Variants in UBN2 observed in about 807,000 individuals in gnomAD.
The protein encoded by UBN2 is ubinuclein 2.
A neutral mutation model predicts 120.2 loss-of-function variants in UBN2; 35 were observed. The ratio of observed to expected loss-of-function variants is 0.29; its 90% CI spans 0.22 to 0.39. The LOEUF (loss-of-function observed/expected upper bound fraction) is 0.39. UBN2 is among the 10% of genes least tolerant of loss of function. UBN2 has a pLI of 1.00. For synonymous variants in UBN2, 661 were observed against 648.7 expected (o/e 1.02, Z -0.29); for missense variants, 1,693 against 1,663.2 (o/e 1.02, Z -0.31).
intron 15 of UBN2, among the ~76,000 whole-genome samples, chr7:139,291,417 T>C (rs1797955395): frequency 6.6e-6 from 1 of 150,790 alleles, no homozygotes; most frequent in South Asian, 2.1e-4. Context: ...TTTAGAACTG[T>C]TAAAGTTTTG....
rs766587284 is a variant in UBN2 at position 139,273,928 on chromosome 7, T to C, written c.1830-3T>C. ...TTTCAAATTTAATTTTCAATCTGTTTAGAACTTTGTTATGTAACCTTGTTG... is the reference window on the plus strand; with the variant it reads ...TTTCAAATTTAATTTTCAATCTGTTCAGAACTTTGTTATGTAACCTTGTTG... On this transcript the variant is annotated splice_region_variant and splice_polypyrimidine_tract_variant and intron_variant, in intron 10 of 17. Coordinates refer to ENST00000473989, the MANE Select transcript of UBN2 (RefSeq NM_173569.4). 3.1e-6 allele frequency: 5 copies of C among 1,597,144 alleles called. No individual in the cohort carries two copies. Among genetic ancestry groups the C allele is most frequent in the Non-Finnish European group, 4.3e-6 (5 of 1,175,614 alleles).
chr7:139,235,937 G>A (rs1424894276), intron 1 of UBN2, among the ~76,000 whole-genome samples: 2 of 152,104 alleles, frequency 1.3e-5, no homozygotes, highest in African/African-American at 4.8e-5. Flanking sequence ...CAGTTTCAAA[G>A]TGTGCACATC....
intron 14 of UBN2, 75 bp downstream of exon 14, chr7:139,282,130 T>A (rs1797631836): frequency 1.5e-6 from 2 of 1,347,866 alleles, no homozygotes; most frequent in East Asian, 4.6e-5. Context: ...AAGAAACTAA[T>A]TGAAGAGACT....
rs1469351101 is a variant in UBN2, at chr7:139,303,288, GATTCA to G, written c.*5453_*5457del. 3 of 152,140 alleles carry G rather than the reference GATTCA, an allele frequency of 2.0e-5. No individual in the cohort carries two copies. The highest frequency in any genetic ancestry group is 7.2e-5 in the African/African-American group (3 of 41,418). The allele number at this position is 152,140 out of a possible 1,614,324, so 9.4% of individuals were successfully genotyped here. On this transcript the variant is annotated 3_prime_UTR_variant, in exon 18 of 18. Transcript: ENST00000473989. ...AAATAACATAATTTTCAGTATCTAA[GATTCA>G]TCGATTTTTTGTTGAAAACAAATAG...
chr7:139,270,289 T>G (rs7810130), intron 8 of UBN2, among the ~76,000 whole-genome samples: 2,791 of 149,752 alleles, frequency 0.019, 60 homozygotes, highest in African/African-American at 0.065. Flanking sequence ...TTTTTTTTTT[T>G]GTGACAGAGT....
intron 15 of UBN2, among the ~76,000 whole-genome samples, chr7:139,289,200 T>C (rs1235205648): frequency 2.0e-5 from 3 of 152,092 alleles, no homozygotes; most frequent in Non-Finnish European, 2.9e-5. Flanking sequence ...ACCCCACTGC[T>C]GAAAGGTCTC....
rs200979638 is a variant in UBN2, at chr7:139,261,598, G to A, written c.1252G>A (p.Gly418Ser). The A allele has an allele frequency of 1.9e-6, 3 of 1,614,196 alleles. No homozygotes were observed. Among genetic ancestry groups the A allele is most frequent in the Non-Finnish European group, 2.5e-6 (3 of 1,180,038 alleles). Reference protein sequence around the residue: ...FDRLLDAASDGSPLSESGGEN... With the variant: ...FDRLLDAASDSSPLSESGGEN... The stretch of plus-strand genomic sequence containing the variant: ...CAGATTACTGGATGCTGCTTCTGAT[G>A]GTAGCCCCCTATCTGAGTCGGGGGG... Residue 418 changes from glycine (G) to serine (S), a missense_variant, in exon 6 of 18, where the codon GGT (glycine) becomes AGT (serine). Gly to Ser is a moderately conservative substitution (Grantham distance 56). Transcript: ENST00000473989.
At chr7:139,262,134 C>G (rs548344056) in intron 6 of UBN2, among the ~76,000 whole-genome samples, 1 of 151,596 alleles carries the variant, frequency 6.6e-6, no homozygotes, top group Non-Finnish European at 1.5e-5. Flanking sequence ...AGCCTTGCTC[C>G]GTCGTCACAC....
At position 139,299,766 on chromosome 7, in the gene UBN2, A is replaced by C. The variant is rs1798210158; in HGVS notation, c.*1930A>C. 6.6e-6 allele frequency: 1 copy of C among 152,162 alleles called. No individual in the cohort carries two copies. The highest frequency in any genetic ancestry group is 1.5e-5 in the Non-Finnish European group (1 of 68,014). The allele number at this position is 152,162 out of a possible 1,614,324, so 9.4% of individuals were successfully genotyped here. ...ATGAAGATTTGCTTGGTTTCAATTA[A>C]GGAAGCTTGCCCAATTTTTTTAATT... On this transcript the variant is annotated 3_prime_UTR_variant, in exon 18 of 18. Transcript: ENST00000473989.
At chr7:139,234,639 G>A (rs544908141) in intron 1 of UBN2, among the ~76,000 whole-genome samples, 1 of 152,166 alleles carries the variant, frequency 6.6e-6, no homozygotes, top group African/African-American at 2.4e-5. Context: ...AAGGGTAATA[G>A]TGCATTTTAG....
intron 14 of UBN2, 25 bp downstream of exon 14, chr7:139,282,080 A>G (rs745570394): frequency 2.5e-6 from 4 of 1,607,736 alleles, no homozygotes; most frequent in Non-Finnish European, 3.4e-6. Flanking sequence ...TGTATCAATC[A>G]GTATGTAATA....
intron 2 of UBN2, among the ~76,000 whole-genome samples, chr7:139,238,263 C>A (rs1200046138): frequency 6.6e-6 from 1 of 152,138 alleles, no homozygotes; most frequent in South Asian, 2.1e-4. Context: ...CAACAGGGAT[C>A]TTGACCCATA....
At chr7:139,268,825 C>T (rs1214756345) in intron 7 of UBN2, among the ~76,000 whole-genome samples, 1 of 152,060 alleles carries the variant, frequency 6.6e-6, no homozygotes, top group African/African-American at 2.4e-5. Context: ...CCCCTGTAAC[C>T]CAAAAAATAT....
At chr7:139,327,174 C>T in the UBN2 span, among the ~76,000 whole-genome samples, 1 of 152,136 alleles carries the variant, frequency 6.6e-6, no homozygotes, top group African/African-American at 2.4e-5. Flanking sequence ...GCTAGGATTA[C>T]AGGCATGTGC....
Position 139,237,135 on chromosome 7 carries a change from C to G in UBN2, c.561+38C>G, listed in dbSNP as rs1478870127. 7 of 1,468,250 alleles carry G rather than the reference C, an allele frequency of 4.8e-6. No individual in the cohort carries two copies. The East Asian group carries it at 1.4e-4, about 30-fold the overall frequency. 91.0% of individuals were successfully genotyped at this position (1,468,250 alleles called of 1,614,324 possible). A position where few individuals can be genotyped will look rare whatever the true frequency, so the allele number is the denominator to read the frequency against. On this transcript the variant is annotated intron_variant, in intron 2 of 17. Coordinates refer to ENST00000473989, the MANE Select transcript of UBN2 (RefSeq NM_173569.4). Reference sequence around the variant, plus strand: ...AACTGATCACTTAGGTAATTTTATCCTATTGACCTGTTTGCTTTCTGTGGC... The same window carrying G: ...AACTGATCACTTAGGTAATTTTATCGTATTGACCTGTTTGCTTTCTGTGGC...
the UBN2 span, among the ~76,000 whole-genome samples, chr7:139,327,168 G>A: frequency 6.6e-6 from 1 of 152,282 alleles, no homozygotes; most frequent in African/African-American, 2.4e-5. Flanking sequence ...TGAGTAGCTA[G>A]GATTACAGGC....
chr7:139,310,730 G>T (rs1309424091), downstream of UBN2, among the ~76,000 whole-genome samples: 1 of 152,200 alleles, frequency 6.6e-6, no homozygotes, highest in East Asian at 1.9e-4. Flanking sequence ...CCGAGATCGT[G>T]CTACTGCACT....
At chr7:139,241,153 G>A (rs986803309) in intron 2 of UBN2, among the ~76,000 whole-genome samples, 1 of 152,154 alleles carries the variant, frequency 6.6e-6, no homozygotes, top group Admixed American at 6.5e-5. Flanking sequence ...AATTTGATGG[G>A]TATAGACTTG....
At chr7:139,272,245 T>G in intron 8 of UBN2, 77 bp from the exon 9 acceptor site, 1 of 1,019,944 alleles carries the variant, frequency 9.8e-7, no homozygotes, top group Non-Finnish European at 1.5e-6. Context: ...AAAACATAAA[T>G]TTTATCTTTT....
Sources: gnomAD v4.1 joint callset for allele counts (sites outside exome capture counted in the v4.1 genomes callset) on GRCh38, gnomAD v4.1.1 for gene constraint, MANE v1.5 for transcripts, NCBI Gene and HGNC (gene_info 2026-07-23, HGNC 2026-07-21) for gene names.